The following SLC2A12 variants were observed in gnomAD, a reference collection of about 807,000 sequenced individuals.
The protein encoded by SLC2A12 is solute carrier family 2, facilitated glucose transporter member 12.
A neutral mutation model predicts 41.8 loss-of-function variants in SLC2A12; 23 were observed. That is an observed-to-expected ratio of 0.55 (90% CI 0.40 to 0.78). The LOEUF (loss-of-function observed/expected upper bound fraction) is 0.78, where lower values mean the gene tolerates loss of function less well. Ranked by LOEUF, SLC2A12 falls within the 30% of genes least tolerant of loss-of-function variation. SLC2A12 has a pLI of 0.00. For missense variants in SLC2A12, 654 were observed against 745.6 expected (o/e 0.88, Z 1.43); for synonymous variants, 295 against 285.9 (o/e 1.03, Z -0.32).
At chr6:134,008,389 G>T (rs1776840036) in intron 2 of SLC2A12, among the ~76,000 whole-genome samples, 1 of 152,062 alleles carries the variant, frequency 6.6e-6, no homozygotes, top group Non-Finnish European at 1.5e-5. Flanking sequence ...ATCTATACAG[G>T]GTTACCTTTC....
At position 134,028,703 on chromosome 6, in the gene SLC2A12, A is replaced by G. The variant is rs1190757499; in HGVS notation, c.1122T>C (p.His374=). The change falls in exon 2 of 5, where the codon CAT becomes CAC. Residue 374 remains histidine (H), a synonymous_variant. Coordinates refer to ENST00000275230, the MANE Select transcript of SLC2A12 (RefSeq NM_145176.3). ...VNLNIHMNFT[H]ICRSHNSINQ... ...TGATAGAATTGTGGCTTCTGCAGAT[A>G]TGGGTGAAGTTCATGTGGATGTTGA... 1 of 1,614,168 alleles carries G rather than the reference A, an allele frequency of 6.2e-7. No homozygotes were observed. The highest frequency in any genetic ancestry group is 1.1e-5 in the South Asian group (1 of 91,082).
chr6:133,992,227 G>A (rs1776633520), intron 4 of SLC2A12, among the ~76,000 whole-genome samples: 1 of 152,192 alleles, frequency 6.6e-6, no homozygotes, highest in Non-Finnish European at 1.5e-5. Flanking sequence ...AATTGATGCA[G>A]TCAGTGTACA....
At chr6:134,010,089 A>T (rs1428587558) in intron 2 of SLC2A12, among the ~76,000 whole-genome samples, 1 of 152,186 alleles carries the variant, frequency 6.6e-6, no homozygotes, top group Non-Finnish European at 1.5e-5. Context: ...GGAGAAACTC[A>T]GTTTCAGTTC....
chr6:134,026,658 G>A (rs1777116427), intron 2 of SLC2A12, among the ~76,000 whole-genome samples: 1 of 152,154 alleles, frequency 6.6e-6, no homozygotes, highest in Non-Finnish European at 1.5e-5. Context: ...CAGGTTTAAG[G>A]TTCAGGAGCA....
intron 2 of SLC2A12, among the ~76,000 whole-genome samples, chr6:134,019,807 A>C (rs1777017358): frequency 6.6e-6 from 1 of 152,188 alleles, no homozygotes; most frequent in South Asian, 2.1e-4. Flanking sequence ...GGATCACTTG[A>C]GGTCAGGTGT....
intron 1 of SLC2A12, among the ~76,000 whole-genome samples, chr6:134,042,988 A>G (rs1777403523): frequency 7.0e-6 from 1 of 143,052 alleles, no homozygotes; most frequent in South Asian, 2.1e-4. Flanking sequence ...AAACAAAACA[A>G]AACAAAACAA....
intron 1 of SLC2A12, among the ~76,000 whole-genome samples, chr6:134,030,281 C>T (rs1777185309): frequency 6.6e-6 from 1 of 152,144 alleles, no homozygotes; most frequent in African/African-American, 2.4e-5. Flanking sequence ...CTCTGCTGAA[C>T]ACATGAGGGT....
rs1377581247 is a variant in SLC2A12 at position 133,988,520 on chromosome 6, A to G, written c.*2635T>C. 6.6e-6 allele frequency: 1 copy of G among 152,218 alleles called. No homozygotes were observed. Among genetic ancestry groups the G allele is most frequent in the Admixed American group, 6.5e-5 (1 of 15,280 alleles). The allele number at this position is 152,218 out of a possible 1,614,324, so 9.4% of individuals were successfully genotyped here. A position where few individuals can be genotyped will look rare whatever the true frequency, so the allele number is the denominator to read the frequency against. Reference sequence around the variant, plus strand: ...GAAAAATTGCAACATCCTAATCTCCATATATAGTACATTTTCCTTACTGTA... The same window carrying G: ...GAAAAATTGCAACATCCTAATCTCCGTATATAGTACATTTTCCTTACTGTA... On this transcript the variant is annotated 3_prime_UTR_variant, in exon 5 of 5. Transcript: ENST00000275230.
chr6:134,003,720 G>A (rs1776779001), intron 3 of SLC2A12, among the ~76,000 whole-genome samples: 1 of 152,128 alleles, frequency 6.6e-6, no homozygotes, highest in African/African-American at 2.4e-5. Flanking sequence ...CGCCATTCAG[G>A]TTGCCCTCCT....
At chr6:133,995,406 T>C (rs1214663199) in intron 4 of SLC2A12, among the ~76,000 whole-genome samples, 13 of 151,642 alleles carry the variant, frequency 8.6e-5, no homozygotes, top group Admixed American at 5.3e-4. Flanking sequence ...GGAGGAATGG[T>C]TGTGTATGTG....
intron 4 of SLC2A12, among the ~76,000 whole-genome samples, chr6:133,999,156 A>C (rs1776727374): frequency 6.6e-6 from 1 of 152,128 alleles, no homozygotes; most frequent in Non-Finnish European, 1.5e-5. Flanking sequence ...ACAAAGGATT[A>C]CTCTCCAGGG....
chr6:134,001,314 G>A (rs1460171309), intron 4 of SLC2A12, among the ~76,000 whole-genome samples: 1 of 152,022 alleles, frequency 6.6e-6, no homozygotes, highest in Non-Finnish European at 1.5e-5. Context: ...GAAATAAACT[G>A]TTTTTTAAAT....
At chr6:134,020,271 T>G (rs1359252940) in intron 2 of SLC2A12, among the ~76,000 whole-genome samples, 1 of 152,226 alleles carries the variant, frequency 6.6e-6, no homozygotes, top group African/African-American at 2.4e-5. Context: ...TAAGGATGGT[T>G]TAATCTTGCT....
intron 2 of SLC2A12, chr6:134,009,313 C>G (rs985599188): frequency 3.3e-5 from 5 of 152,238 alleles, no homozygotes; most frequent in African/African-American, 1.2e-4. Flanking sequence ...AGGCTTCCCT[C>G]AGTCTCTGTT....
At chr6:134,009,667 TAAATAAAATA>T (rs77349912) in intron 2 of SLC2A12, among the ~76,000 whole-genome samples, 3,803 of 148,810 alleles carry the variant, frequency 0.026, 169 homozygotes, top group African/African-American at 0.089. Context: ...CTTAAAATAA[TAAATAAAATA>T]AAATAAAATA....
chr6:134,032,442 A>ATT (rs1777226331), intron 1 of SLC2A12, among the ~76,000 whole-genome samples: 3 of 36,690 alleles, frequency 8.2e-5, no homozygotes, highest in African/African-American at 3.7e-4. Context: ...ATATATATAT[A>ATT]TATATAAATA....
At chr6:134,041,892 G>A (rs1287282318) in intron 1 of SLC2A12, among the ~76,000 whole-genome samples, 7 of 152,120 alleles carry the variant, frequency 4.6e-5, no homozygotes, top group African/African-American at 1.7e-4. Flanking sequence ...AGAGTCCCCT[G>A]GCGTCTCCAG....
At chr6:134,005,757 T>C (rs1003876658) in intron 3 of SLC2A12, among the ~76,000 whole-genome samples, 32 of 151,560 alleles carry the variant, frequency 2.1e-4, no homozygotes, top group African/African-American at 7.3e-4. Context: ...AATAAAAGTT[T>C]GTTATTATTA....
chr6:134,052,577 G>C lies in SLC2A12; in HGVS notation c.-97C>G. ...ACTTTCCCCATAATAGCATGCTAAA[G>C]AAGAGTGTGGGGAAAAACTTCGGGC... On this transcript the variant is annotated 5_prime_UTR_variant, in exon 1 of 5. Coordinates refer to ENST00000275230, the MANE Select transcript of SLC2A12 (RefSeq NM_145176.3). 1.1e-6 allele frequency: 1 copy of C among 892,818 alleles called. No homozygotes were observed. The highest frequency in any genetic ancestry group is 1.8e-6 in the Non-Finnish European group (1 of 567,362). The allele number at this position is 892,818 out of a possible 1,614,324, so 55.3% of individuals were successfully genotyped here.
Sources: gnomAD v4.1 joint callset for allele counts (sites outside exome capture counted in the v4.1 genomes callset) on GRCh38, gnomAD v4.1.1 for gene constraint, MANE v1.5 for transcripts, NCBI Gene and HGNC (gene_info 2026-07-23, HGNC 2026-07-21) for gene names.